SYNE3: variants seen among roughly 807,000 people sequenced by gnomAD.
SYNE3 encodes the protein nesprin-3.
In SYNE3, 100 loss-of-function variants were observed where a neutral mutation model predicts 111.2. The ratio of observed to expected loss-of-function variants is 0.90; its 90% confidence interval spans 0.77 to 1.06. The LOEUF is 1.06. Among genes scored for constraint, SYNE3 ranks in the 50% least tolerant of loss-of-function variants. The pLI is 0.00. For missense variants in SYNE3, 1,160 were observed against 1,240.3 expected (o/e 0.94, Z 0.97); for synonymous variants, 547 against 533.9 (o/e 1.02, Z -0.34).
In SYNE3 at chr14:95,514,137, T is replaced by G. The variant is rs1032493333; in HGVS notation, c.-15+2459A>C. ...GAGTTGAAAGGGGTGACCAGGAACCTGGGAAAGAGTCCCAGGGCAGCCCAG... is the reference window on the plus strand; with the variant it reads ...GAGTTGAAAGGGGTGACCAGGAACCGGGGAAAGAGTCCCAGGGCAGCCCAG... On this transcript the variant is annotated intron_variant, in intron 1 of 17. Transcript: ENST00000682763. Among the ~76,000 whole-genome samples the G allele has an allele frequency of 3.3e-5, 5 of 152,142 alleles. 1 individual carries two copies. The highest frequency in any genetic ancestry group is 7.4e-5 in the Non-Finnish European group (5 of 68,022).
Position 95,407,924 on chromosome 14 carries a change from AC to A in SYNE3, c.*9901del, listed in dbSNP as rs1273049347. 1 of 152,150 alleles carries A rather than the reference AC, an allele frequency of 6.6e-6. No homozygotes were observed. Among genetic ancestry groups the A allele is most frequent in the Admixed American group, 6.6e-5 (1 of 15,266 alleles). 9.4% of individuals were successfully genotyped at this position (152,150 alleles called of 1,614,324 possible). Reference sequence around the variant, plus strand: ...GGATGAAGTGGGTTTGCTCACATAGACTTAGCTTAGGGTAGAGTGAACTTGT... The same window carrying A: ...GGATGAAGTGGGTTTGCTCACATAGATTAGCTTAGGGTAGAGTGAACTTGT... On this transcript the variant is annotated 3_prime_UTR_variant, in exon 18 of 18. Transcript: ENST00000682763.
chr14:95,455,387 C>T lies in SYNE3; in HGVS notation c.1127G>A (p.Arg376Lys), dbSNP rs747252583. ...GCCAAGCACGCTTACCGAGTAGCGT[C>T]TCCAGTGTGCCACCAGCTCGTCCTC... ...GTEDELVAHW[R>K]RYSATRAALA... Residue 376 changes from arginine to lysine, a missense_variant, in exon 6 of 18, where the codon AGA becomes AAA. Coordinates refer to ENST00000682763, the MANE Select transcript of SYNE3 (RefSeq NM_152592.6). 3 of 1,541,014 alleles carry T rather than the reference C, an allele frequency of 1.9e-6. No homozygotes were observed. Among genetic ancestry groups the T allele is most frequent in the Non-Finnish European group, 2.6e-6 (3 of 1,144,508 alleles).
Position 95,417,506 on chromosome 14 carries a change from G to A in SYNE3, c.*320C>T. On this transcript the variant is annotated 3_prime_UTR_variant, in exon 18 of 18. Coordinates refer to ENST00000682763, the MANE Select transcript of SYNE3 (RefSeq NM_152592.6). ...CAATACCACAAAATCCCATTGGAGG[G>A]AGCCATTGCTAGGAATTTTCCCAAC... 2.7e-6 allele frequency: 1 copy of A among 370,894 alleles called. No homozygotes were observed. 23.0% of individuals were successfully genotyped at this position (370,894 alleles called of 1,614,324 possible). A position where few individuals can be genotyped will look rare whatever the true frequency, so the allele number is the denominator to read the frequency against.
At chr14:95,479,461 GA>G (rs1488285107) in intron 1 of SYNE3, among the ~76,000 whole-genome samples, 2 of 152,162 alleles carry the variant, frequency 1.3e-5, no homozygotes, top group Non-Finnish European at 2.9e-5. Flanking sequence ...GTGTTGGGTG[GA>G]GGGCTTTCCA....
chr14:95,494,038 C>A (rs1889970777), intron 1 of SYNE3, among the ~76,000 whole-genome samples: 1 of 151,966 alleles, frequency 6.6e-6, no homozygotes, highest in Admixed American at 6.6e-5. Context: ...ACCATTTAGC[C>A]AGGTGTGGTG....
At chr14:95,483,057 T>C in intron 1 of SYNE3, among the ~76,000 whole-genome samples, 1 of 152,130 alleles carries the variant, frequency 6.6e-6, no homozygotes, top group Non-Finnish European at 1.5e-5. Flanking sequence ...AGGGCAGGAA[T>C]CTATCTTGAG....
intron 2 of SYNE3, among the ~76,000 whole-genome samples, chr14:95,468,639 C>T (rs1180130580): frequency 6.6e-6 from 1 of 152,222 alleles, no homozygotes; most frequent in African/African-American, 2.4e-5. Context: ...CCCCTCCTGA[C>T]CCTGCTCCTT....
chr14:95,434,145 G>A (rs995761473), intron 15 of SYNE3, among the ~76,000 whole-genome samples: 2 of 151,938 alleles, frequency 1.3e-5, no homozygotes, highest in Admixed American at 6.6e-5. Flanking sequence ...AGATTTCCAG[G>A]TAATGGCCAA....
chr14:95,450,492 TA>T (rs1290440863), intron 7 of SYNE3: 1 of 177,168 alleles, frequency 5.6e-6, no homozygotes, highest in African/African-American at 2.4e-5. Context: ...CTGGGCAACA[TA>T]GCAAGACCCC....
At chr14:95,487,410 G>A (rs1219352602) in intron 1 of SYNE3, among the ~76,000 whole-genome samples, 2 of 152,122 alleles carry the variant, frequency 1.3e-5, no homozygotes, top group Non-Finnish European at 2.9e-5. Context: ...ACCCGGAGCC[G>A]GCACTTCCAC....
At chr14:95,449,518 C>T in intron 8 of SYNE3, 2 of 985,452 alleles carry the variant, frequency 2.0e-6, no homozygotes, top group Non-Finnish European at 2.4e-6. Flanking sequence ...AGGGCTTGGT[C>T]CTGGTGACAC....
intron 1 of SYNE3, among the ~76,000 whole-genome samples, chr14:95,489,642 G>T (rs1889741982): frequency 6.6e-6 from 1 of 152,212 alleles, no homozygotes; most frequent in South Asian, 2.1e-4. Flanking sequence ...TTTAGAGACA[G>T]GGTCTTGCTA....
intron 4 of SYNE3, among the ~76,000 whole-genome samples, chr14:95,459,925 GC>G (rs1197724437): frequency 6.6e-6 from 1 of 151,736 alleles, no homozygotes; most frequent in Non-Finnish European, 1.5e-5. Context: ...CAGTGAGATG[GC>G]ATCTCTACAA....
chr14:95,493,199 T>C (rs978487283), intron 1 of SYNE3, among the ~76,000 whole-genome samples: 1 of 152,220 alleles, frequency 6.6e-6, no homozygotes, highest in African/African-American at 2.4e-5. Context: ...AAGAAGCTGC[T>C]TGAGACCTTT....
At chr14:95,455,216 T>C (rs1887338135) in intron 6 of SYNE3, among the ~76,000 whole-genome samples, 161 bp downstream of exon 6, 1 of 152,184 alleles carries the variant, frequency 6.6e-6, no homozygotes, top group Admixed American at 6.5e-5. Context: ...ACCCAACTTG[T>C]CTACTCCCCG....
chr14:95,450,245 A>G, intron 7 of SYNE3, 140 bp from the exon 8 acceptor site: 11 of 970,082 alleles, frequency 1.1e-5, no homozygotes, highest in Non-Finnish European at 1.6e-5. Flanking sequence ...GTTGCTGGGA[A>G]TGTCTGCAGC....
At chr14:95,507,166 C>A (rs1195446717) in intron 1 of SYNE3, among the ~76,000 whole-genome samples, 1 of 152,192 alleles carries the variant, frequency 6.6e-6, no homozygotes, top group East Asian at 1.9e-4. Context: ...CCCCGCCCAG[C>A]CCCCTGAGCT....
rs1903515002 is a variant in SYNE3, at chr14:95,414,518, C to T, written c.*3308G>A. The stretch of plus-strand genomic sequence containing the variant: ...ACCTGCCCATCCCTCCCGCTCCCAG[C>T]TTTTCTTTTTAAACACCCTCTGGGT... On this transcript the variant is annotated 3_prime_UTR_variant, in exon 18 of 18. Transcript: ENST00000682763. 6.6e-6 allele frequency: 1 copy of T among 152,272 alleles called. No individual in the cohort carries two copies. Among genetic ancestry groups the T allele is most frequent in the Admixed American group, 6.5e-5 (1 of 15,282 alleles). 9.4% of individuals were successfully genotyped at this position (152,272 alleles called of 1,614,324 possible).
intron 1 of SYNE3, among the ~76,000 whole-genome samples, chr14:95,513,867 A>G (rs1234963935): frequency 6.6e-6 from 1 of 151,232 alleles, no homozygotes; most frequent in Non-Finnish European, 1.5e-5. Context: ...TGAACGTACA[A>G]CTTTGTCCTT....
Sources: gnomAD v4.1 joint callset for allele counts (sites outside exome capture counted in the v4.1 genomes callset) on GRCh38, gnomAD v4.1.1 for gene constraint, MANE v1.5 for transcripts, NCBI Gene and HGNC (gene_info 2026-07-23, HGNC 2026-07-21) for gene names.